The following PDZD8 variants were observed in gnomAD, a reference collection of about 807,000 sequenced individuals.
The protein encoded by PDZD8 is PDZ domain-containing protein 8.
Under a neutral mutation model 85.8 loss-of-function variants are expected in PDZD8, and 14 were observed. The ratio of observed to expected loss-of-function variants is 0.16; its 90% CI spans 0.11 to 0.26. The LOEUF (loss-of-function observed/expected upper bound fraction) is 0.26, where lower values mean the gene tolerates loss of function less well. PDZD8 is among the 10% of genes least tolerant of loss of function. PDZD8 has a pLI of 1.00. For missense variants in PDZD8, 1,197 were observed against 1,424.3 expected, an observed-to-expected ratio of 0.84 and a Z score of 2.57; for synonymous variants, 592 against 568.6, an observed-to-expected ratio of 1.04 and a Z score of -0.59.
At chr10:117,314,690 T>C (rs561828265) in intron 3 of PDZD8, among the ~76,000 whole-genome samples, 19 of 148,178 alleles carry the variant, frequency 1.3e-4, no homozygotes, top group South Asian at 6.2e-4. Flanking sequence ...ACTGAACAAA[T>C]GATTGTTCTC....
intron 1 of PDZD8, among the ~76,000 whole-genome samples, chr10:117,346,033 G>C (rs1210611002): frequency 1.3e-5 from 2 of 152,104 alleles, no homozygotes; most frequent in Non-Finnish European, 2.9e-5. Context: ...CTGAGGTCAG[G>C]AGTTCGAGAC....
intron 1 of PDZD8, among the ~76,000 whole-genome samples, chr10:117,356,341 A>T (rs1165395603): frequency 7.9e-5 from 12 of 152,230 alleles, no homozygotes; most frequent in Admixed American, 7.9e-4. Context: ...GGTAAAACTC[A>T]ATTTGAAGGT....
chr10:117,310,018 G>A (rs1844009114), intron 3 of PDZD8, among the ~76,000 whole-genome samples: 1 of 152,132 alleles, frequency 6.6e-6, no homozygotes, highest in Admixed American at 6.5e-5. Context: ...AAACTTCTTA[G>A]TGTGGTATTT....
rs546158916 is a variant in PDZD8, at chr10:117,310,192, T to A, written c.1098+8680A>T. On this transcript the variant is annotated intron_variant, in intron 3 of 4. Coordinates refer to ENST00000334464, the MANE Select transcript of PDZD8 (RefSeq NM_173791.5). Reference sequence around the variant, plus strand: ...GTTATGTCCTCATCTTGAACTGGCCTCTCTGCCATCTCAAAATCCTATACA... The same window carrying A: ...GTTATGTCCTCATCTTGAACTGGCCACTCTGCCATCTCAAAATCCTATACA... Among the ~76,000 whole-genome samples the A allele has an allele frequency of 1.2e-3, 188 of 152,300 alleles. 2 individuals carry two copies. Among genetic ancestry groups the A allele is most frequent in the African/African-American group, 4.4e-3 (183 of 41,580 alleles).
rs145614241 is a variant in PDZD8 at position 117,290,864 on chromosome 10, CT to C, written c.1099-517del. On this transcript the variant is annotated intron_variant, in intron 3 of 4. Transcript: ENST00000334464. ...GAAACTCCATTTTGTATGGTGTATC[CT>C]TTTTTTTTTTTTTTTTTTTTTTGAG... 9.8e-3 allele frequency among the ~76,000 whole-genome samples: 1,203 copies of C among 123,316 alleles called. 1 individual carries two copies. The highest frequency in any genetic ancestry group is 0.036 in the African/African-American group (1,070 of 29,916). The allele number at this position is 123,316 out of a possible 152,430, so 80.9% of individuals were successfully genotyped here.
At chr10:117,290,094 A>G (rs898321569) in intron 4 of PDZD8, 92 bp downstream of exon 4, 1 of 1,142,508 alleles carries the variant, frequency 8.8e-7, no homozygotes. Flanking sequence ...TGCATATTAT[A>G]GAAATAAGGA....
At chr10:117,345,811 C>G (rs1387279414) in intron 1 of PDZD8, among the ~76,000 whole-genome samples, 2 of 152,104 alleles carry the variant, frequency 1.3e-5, no homozygotes, top group Non-Finnish European at 1.5e-5. Flanking sequence ...ACAGAGGAAG[C>G]CTTCAGGTAG....
intron 1 of PDZD8, among the ~76,000 whole-genome samples, chr10:117,373,209 G>C (rs1046235419): frequency 3.3e-5 from 5 of 151,998 alleles, no homozygotes; most frequent in Non-Finnish European, 7.4e-5. Flanking sequence ...ACTCAAAACT[G>C]TATACCACAA....
intron 3 of PDZD8, among the ~76,000 whole-genome samples, chr10:117,315,335 C>T (rs553103554): frequency 2.0e-5 from 3 of 151,958 alleles, no homozygotes; most frequent in African/African-American, 7.3e-5. Flanking sequence ...TGGCTCATGC[C>T]CACAATTCAA....
At chr10:117,360,155 G>A (rs1844971809) in intron 1 of PDZD8, among the ~76,000 whole-genome samples, 1 of 152,162 alleles carries the variant, frequency 6.6e-6, no homozygotes. Flanking sequence ...GATAATCAAG[G>A]CTGCAGGTCC....
rs760151413 is a variant in PDZD8 at position 117,283,227 on chromosome 10, A to T, written c.*41T>A. On this transcript the variant is annotated 3_prime_UTR_variant, in exon 5 of 5. Transcript: ENST00000334464. ...TTGTATCTGTGGTACTTTAGATGCAACTTTACCCTGTTCATTTGAAAGCTT... is the reference window on the plus strand; with the variant it reads ...TTGTATCTGTGGTACTTTAGATGCATCTTTACCCTGTTCATTTGAAAGCTT... 3 of 1,552,084 alleles carry T rather than the reference A, an allele frequency of 1.9e-6. No homozygotes were observed. The Admixed American group carries it at 5.8e-5, about 30-fold the overall frequency.
At chr10:117,366,571 CACCACCACTGTCACCACCATT>C (rs1589596992) in intron 1 of PDZD8, among the ~76,000 whole-genome samples, 2 of 149,640 alleles carry the variant, frequency 1.3e-5, no homozygotes, top group East Asian at 4.0e-4. Context: ...CCACTACCAC[CACCACCACTGTCACCACCATT>C]ACCACCACCA....
In PDZD8 at chr10:117,375,345, C is replaced by T. The variant is rs1161727126; in HGVS notation, c.-118G>A. The stretch of plus-strand genomic sequence containing the variant: ...CGGGCGGCTGGGTCGGGGCGAGCGG[C>T]TCCGTGGGCCTCGTCCAGGGGCTCG... On this transcript the variant is annotated 5_prime_UTR_variant, in exon 1 of 5. Coordinates refer to ENST00000334464, the MANE Select transcript of PDZD8 (RefSeq NM_173791.5). 1.1e-5 allele frequency: 9 copies of T among 852,284 alleles called. No individual in the cohort carries two copies. The South Asian group carries it at 2.1e-4, about 20-fold the overall frequency. The allele number at this position is 852,284 out of a possible 1,614,324, so 52.8% of individuals were successfully genotyped here. A position where few individuals can be genotyped will look rare whatever the true frequency, so the allele number is the denominator to read the frequency against.
At chr10:117,333,124 A>AAACAAAAAAC (rs1373673590) in intron 2 of PDZD8, among the ~76,000 whole-genome samples, 2 of 145,896 alleles carry the variant, frequency 1.4e-5, no homozygotes, top group African/African-American at 5.1e-5. Flanking sequence ...TCTCAAAAAA[A>AAACAAAAAAC]AAAAAAAAAA....
intron 3 of PDZD8, among the ~76,000 whole-genome samples, chr10:117,293,324 AC>A (rs954075159): frequency 6.6e-6 from 1 of 152,074 alleles, no homozygotes; most frequent in Non-Finnish European, 1.5e-5. Flanking sequence ...GCACTATAAA[AC>A]ATATGCCAAA....
intron 2 of PDZD8, among the ~76,000 whole-genome samples, chr10:117,330,247 A>G (rs1454471202): frequency 6.6e-6 from 1 of 151,690 alleles, no homozygotes; most frequent in African/African-American, 2.4e-5. Context: ...ATTTTCCTCA[A>G]TTTTCACGAC....
Position 117,290,295 on chromosome 10 carries a change from G to A in PDZD8, c.1152C>T (p.Val384=). ...LQSVGLTLRL[V]QSTDGYAGHV... Reference sequence around the variant, plus strand: ...GCCCAGCATACCCATCAGTTGACTGGACAAGACGAAGTGTAAGTCCAACAC... The same window carrying A: ...GCCCAGCATACCCATCAGTTGACTGAACAAGACGAAGTGTAAGTCCAACAC... Residue 384 remains valine (V), a synonymous_variant, in exon 4 of 5, where the codon GTC becomes GTT. Transcript: ENST00000334464. 6.2e-7 allele frequency: 1 copy of A among 1,613,562 alleles called. No homozygotes were observed. The highest frequency in any genetic ancestry group is 8.5e-7 in the Non-Finnish European group (1 of 1,179,602).
intron 2 of PDZD8, among the ~76,000 whole-genome samples, chr10:117,338,777 A>G (rs1257361980): frequency 6.6e-6 from 1 of 152,182 alleles, no homozygotes; most frequent in African/African-American, 2.4e-5. Flanking sequence ...TACTTTCTCA[A>G]TGCCTTACAT....
At chr10:117,360,120 T>TTA (rs1350275736) in intron 1 of PDZD8, among the ~76,000 whole-genome samples, 1 of 152,178 alleles carries the variant, frequency 6.6e-6, no homozygotes, top group African/African-American at 2.4e-5. Flanking sequence ...AAAGCAGTTT[T>TTA]TATATATATG....
Sources: allele counts gnomAD v4.1 joint callset (sites outside exome capture counted in the v4.1 genomes callset), GRCh38; gene constraint gnomAD v4.1.1; transcripts MANE v1.5; gene names NCBI Gene and HGNC (gene_info 2026-07-23, HGNC 2026-07-21).